Variants in CD48 observed in about 807,000 individuals in gnomAD.
The protein encoded by CD48 is CD48 antigen.
Under a neutral mutation model 22.0 loss-of-function variants are expected in CD48, and 20 were observed. The ratio of observed to expected loss-of-function variants is 0.91; its 90% confidence interval spans 0.64 to 1.32. CD48 has a LOEUF of 1.32. CD48 is among the 40% of genes most tolerant of loss of function. The probability of loss-of-function intolerance (pLI) is 0.00; values close to 1 mark genes in which losing one functional copy is unlikely to be tolerated. For missense variants in CD48, 307 were observed against 286.5 expected (o/e 1.07, Z -0.52); for synonymous variants, 110 against 110.1 (o/e 1.00, Z 0.01).
At chr1:160,711,564 A>C (rs1662947577) in intron 1 of CD48, 118 bp downstream of exon 1, 1 of 746,260 alleles carries the variant, frequency 1.3e-6, no homozygotes, top group Admixed American at 2.1e-5. Flanking sequence ...TGGAATGGAA[A>C]TACCTGCTTT....
intron 1 of CD48, among the ~76,000 whole-genome samples, chr1:160,698,369 A>G (rs554288): frequency 0.88 from 134,497 of 152,136 alleles, 59,670 homozygotes; most frequent in East Asian, 0.98. Context: ...ATTAAAAGGC[A>G]TTTTAAATAG....
At chr1:160,681,169 GT>G (rs1661785003) in intron 3 of CD48, 32 bp downstream of exon 3, 1 of 1,613,944 alleles carries the variant, frequency 6.2e-7, no homozygotes, top group Non-Finnish European at 8.5e-7. Context: ...CAGTTACCCT[GT>G]GCCCCCCTCA....
At chr1:160,702,180 C>T (rs1022604256) in intron 1 of CD48, among the ~76,000 whole-genome samples, 1 of 152,078 alleles carries the variant, frequency 6.6e-6, no homozygotes, top group Non-Finnish European at 1.5e-5. Flanking sequence ...TAACACCAGG[C>T]CCACTGAACC....
chr1:160,711,574 T>G, intron 1 of CD48, 108 bp downstream of exon 1: 1 of 816,574 alleles, frequency 1.2e-6, no homozygotes, highest in Non-Finnish European at 2.1e-6. Context: ...ATACCTGCTT[T>G]CCAGACACCA....
chr1:160,700,290 A>T (rs1357947919), intron 1 of CD48, among the ~76,000 whole-genome samples: 3 of 152,228 alleles, frequency 2.0e-5, no homozygotes, highest in Non-Finnish European at 4.4e-5. Context: ...CAATAAAATC[A>T]GCCAAGTGAA....
At chr1:160,681,689 C>T (rs916415229) in intron 2 of CD48, among the ~76,000 whole-genome samples, 3 of 152,136 alleles carry the variant, frequency 2.0e-5, no homozygotes, top group South Asian at 2.1e-4. Context: ...AGCTAAGCTG[C>T]GTCCTGGAGG....
At position 160,681,213 on chromosome 1, in the gene CD48, G is replaced by T; in HGVS notation, c.641C>A (p.Pro214His). ...SKNGTVCLSP[P>H]CTLARSFGVE... is the part of the protein sequence containing the mutation. ...GGGATCCTTCTTACCCAGGGTACAG[G>T]GTGGACTGAGGCAGACCGTGCCATT... The change falls in exon 3 of 4, where the codon CCC (proline) becomes CAC (histidine). Residue 214 changes from proline (P) to histidine (H), a missense_variant. Coordinates refer to ENST00000368046, the MANE Select transcript of CD48 (RefSeq NM_001778.4). The T allele has an allele frequency of 6.2e-7, 1 of 1,614,160 alleles. No individual in the cohort carries two copies. The highest frequency in any genetic ancestry group is 8.5e-7 in the Non-Finnish European group (1 of 1,180,016).
In CD48 at chr1:160,685,203, T is replaced by TGACTGCG; in HGVS notation, c.83-15_83-14insCGCAGTC. 6.3e-7 allele frequency: 1 copy of TGACTGCG among 1,593,952 alleles called. No individual in the cohort carries two copies. The highest frequency in any genetic ancestry group is 8.6e-7 in the Non-Finnish European group (1 of 1,167,044). ...GTACCAAGTGACCTGCCAATGAGAT[T>TGACTGCG]CAGAGTGAGACCTGCGCTAGAGGAG... On this transcript the variant is annotated splice_polypyrimidine_tract_variant and intron_variant, in intron 1 of 3. Transcript: ENST00000368046.
chr1:160,691,580 T>C (rs551044332), intron 1 of CD48: 26 of 174,652 alleles, frequency 1.5e-4, no homozygotes, highest in Admixed American at 3.1e-4. Flanking sequence ...GAATGATCAA[T>C]AAATACTAAG....
intron 1 of CD48, among the ~76,000 whole-genome samples, chr1:160,689,252 TCTC>T (rs1294479081): frequency 2.6e-5 from 4 of 152,114 alleles, no homozygotes. Flanking sequence ...AGTGCCTTCT[TCTC>T]CTGGTTGAGC....
At chr1:160,687,422 A>G (rs1191989773) in intron 1 of CD48, among the ~76,000 whole-genome samples, 2 of 152,366 alleles carry the variant, frequency 1.3e-5, no homozygotes, top group East Asian at 1.9e-4. Context: ...ATAGGAAATC[A>G]CAAGGGTATT....
chr1:160,686,103 A>G (rs935970250), intron 1 of CD48, among the ~76,000 whole-genome samples: 2 of 151,488 alleles, frequency 1.3e-5, no homozygotes, highest in African/African-American at 2.4e-5. Context: ...TAATTTCTTT[A>G]TAGCTATTTT....
At chr1:160,702,762 T>A (rs1253413369) in intron 1 of CD48, among the ~76,000 whole-genome samples, 1 of 152,158 alleles carries the variant, frequency 6.6e-6, no homozygotes, top group East Asian at 1.9e-4. Context: ...GGGTATCTGA[T>A]CCAATGCCTT....
At chr1:160,709,270 G>A (rs1315904053) in intron 1 of CD48, among the ~76,000 whole-genome samples, 1 of 152,094 alleles carries the variant, frequency 6.6e-6, no homozygotes, top group Non-Finnish European at 1.5e-5. Context: ...AGACTGCTTG[G>A]GGCTTAAGAA....
intron 1 of CD48, among the ~76,000 whole-genome samples, chr1:160,701,103 G>A (rs1662614747): frequency 6.6e-6 from 1 of 151,832 alleles, no homozygotes; most frequent in Admixed American, 6.6e-5. Context: ...ATAATGAACT[G>A]CAGGTTCCTG....
chr1:160,711,659 G>A (rs1662952284), intron 1 of CD48, 23 bp downstream of exon 1: 1 of 1,573,356 alleles, frequency 6.4e-7, no homozygotes, highest in African/African-American at 1.3e-5. Context: ...CACAATCACA[G>A]ATACACAGTT....
At chr1:160,691,405 T>TGA (rs1178422052) in intron 1 of CD48, among the ~76,000 whole-genome samples, 47 of 152,344 alleles carry the variant, frequency 3.1e-4, no homozygotes, top group African/African-American at 1.1e-3. Flanking sequence ...AATACTGCTT[T>TGA]GTAAAGCATT....
chr1:160,711,161 C>T (rs1188933845), intron 1 of CD48, among the ~76,000 whole-genome samples: 1 of 152,164 alleles, frequency 6.6e-6, no homozygotes, highest in Non-Finnish European at 1.5e-5. Context: ...TCTTCTCAGA[C>T]CCTCATTCAG....
At chr1:160,681,982 ACT>A (rs1355131806) in intron 2 of CD48, among the ~76,000 whole-genome samples, 1 of 152,056 alleles carries the variant, frequency 6.6e-6, no homozygotes, top group Non-Finnish European at 1.5e-5. Flanking sequence ...AGCCTTCTAG[ACT>A]CTGGCAGAGC....
Sources: gnomAD v4.1 joint callset for allele counts (sites outside exome capture counted in the v4.1 genomes callset) on GRCh38, gnomAD v4.1.1 for gene constraint, MANE v1.5 for transcripts, NCBI Gene and HGNC (gene_info 2026-07-23, HGNC 2026-07-21) for gene names.